The following DLG2 variants were observed in gnomAD, a reference collection of about 807,000 sequenced individuals.
DLG2 encodes discs large MAGUK scaffold protein 2.
In DLG2, 45 loss-of-function variants were observed where a neutral mutation model predicts 132.5. The ratio of observed to expected loss-of-function variants is 0.34; its 90% CI spans 0.27 to 0.44. The LOEUF (loss-of-function observed/expected upper bound fraction) is 0.44, where lower values mean the gene tolerates loss of function less well. Ranked by LOEUF, DLG2 falls within the 20% of genes least tolerant of loss-of-function variation. The pLI, the probability that DLG2 is intolerant of heterozygous loss-of-function variation, is 1.00. For missense variants in DLG2, 1,045 were observed against 1,196.9 expected (o/e 0.87, Z 1.87); for synonymous variants, 424 against 419.6 (o/e 1.01, Z -0.13).
intron 17 of DLG2, among the ~76,000 whole-genome samples, chr11:83,812,910 T>C (rs2047736875): frequency 6.6e-6 from 1 of 152,106 alleles, no homozygotes; most frequent in East Asian, 1.9e-4. Context: ...CCTCTTAGAG[T>C]TGAAGCTCAT....
At chr11:85,252,964 T>G (rs2076473005) in intron 4 of DLG2, among the ~76,000 whole-genome samples, 1 of 152,166 alleles carries the variant, frequency 6.6e-6, no homozygotes, top group Non-Finnish European at 1.5e-5. Context: ...TCTATTAAGT[T>G]CTCAAATTTT....
At chr11:84,803,667 T>C (rs1177332140) in intron 6 of DLG2, among the ~76,000 whole-genome samples, 2 of 152,220 alleles carry the variant, frequency 1.3e-5, no homozygotes, top group African/African-American at 4.8e-5. Flanking sequence ...AATGTGCCTT[T>C]AGGTTTTACA....
At chr11:84,790,903 T>C (rs73514921) in intron 6 of DLG2, among the ~76,000 whole-genome samples, 2,740 of 152,326 alleles carry the variant, frequency 0.018, 92 homozygotes, top group African/African-American at 0.063. Flanking sequence ...TGTAGGTGTA[T>C]GGATTTATTT....
At chr11:85,394,234 T>G (rs757775713) in intron 3 of DLG2, among the ~76,000 whole-genome samples, 4 of 152,226 alleles carry the variant, frequency 2.6e-5, no homozygotes, top group Non-Finnish European at 5.9e-5. Context: ...TTAATTAGAT[T>G]GATTTAGCCA....
chr11:84,648,570 G>C (rs921698802), intron 6 of DLG2, among the ~76,000 whole-genome samples: 8 of 152,094 alleles, frequency 5.3e-5, no homozygotes, highest in Non-Finnish European at 1.0e-4. Context: ...GGTGGGGGCT[G>C]GTGGGAAGTG....
intron 15 of DLG2, among the ~76,000 whole-genome samples, chr11:83,905,897 A>G (rs537319877): frequency 7.9e-4 from 120 of 152,222 alleles, no homozygotes; most frequent in African/African-American, 2.8e-3. Context: ...TCCCCTTTAA[A>G]GAAGCAATTT....
intron 18 of DLG2, among the ~76,000 whole-genome samples, chr11:83,763,898 T>C (rs1376677969): frequency 6.6e-6 from 1 of 152,234 alleles, no homozygotes; most frequent in African/African-American, 2.4e-5. Flanking sequence ...TTTAAAAATA[T>C]TGATTGTCTA....
At chr11:83,861,744 TG>T (rs1262035763) in intron 16 of DLG2, among the ~76,000 whole-genome samples, 1 of 151,586 alleles carries the variant, frequency 6.6e-6, no homozygotes, top group African/African-American at 2.4e-5. Flanking sequence ...GGGAGGTAGG[TG>T]GGGGGAAGGT....
At chr11:84,723,682 T>C (rs2062082604) in intron 6 of DLG2, among the ~76,000 whole-genome samples, 1 of 152,112 alleles carries the variant, frequency 6.6e-6, no homozygotes. Context: ...TTTGAGAGTG[T>C]ACTGCATGGG....
intron 7 of DLG2, among the ~76,000 whole-genome samples, chr11:84,476,280 T>C (rs2099121492): frequency 6.6e-6 from 1 of 152,162 alleles, no homozygotes; most frequent in Non-Finnish European, 1.5e-5. Flanking sequence ...CTGGAAATTA[T>C]TTCTTTAGAG....
intron 6 of DLG2, among the ~76,000 whole-genome samples, chr11:84,910,189 C>A (rs548106027): frequency 9.9e-5 from 15 of 152,188 alleles, no homozygotes; most frequent in East Asian, 1.9e-4. Flanking sequence ...GTCTAACCAA[C>A]CTCTACCCTC....
intron 6 of DLG2, among the ~76,000 whole-genome samples, chr11:84,717,679 A>G (rs2061377340): frequency 6.6e-6 from 1 of 152,102 alleles, no homozygotes; most frequent in Non-Finnish European, 1.5e-5. Flanking sequence ...TTCTTAATAA[A>G]GATGAAGAAT....
At chr11:84,081,371 C>T (rs1017449531) in intron 10 of DLG2, among the ~76,000 whole-genome samples, 2 of 151,198 alleles carry the variant, frequency 1.3e-5, no homozygotes, top group African/African-American at 4.9e-5. Flanking sequence ...AATTAATAAA[C>T]ACTATTATTA....
intron 7 of DLG2, among the ~76,000 whole-genome samples, chr11:84,402,698 C>T (rs2098834005): frequency 6.6e-6 from 1 of 151,790 alleles, no homozygotes; most frequent in African/African-American, 2.4e-5. Context: ...CCGGCTCACA[C>T]GGTGAAACCC....
intron 3 of DLG2, among the ~76,000 whole-genome samples, chr11:85,552,095 GAA>G (rs764172663): frequency 1.1e-4 from 7 of 64,208 alleles, no homozygotes; most frequent in Non-Finnish European, 1.7e-4. Context: ...GGACTTAAAA[GAA>G]AAAAAAAAAA....
chr11:83,575,871 G>C (rs1019623583), intron 19 of DLG2, among the ~76,000 whole-genome samples: 40 of 152,040 alleles, frequency 2.6e-4, no homozygotes, highest in Admixed American at 1.2e-3. Context: ...ACCATGTCTG[G>C]CATTTAGTCA....
At chr11:83,716,579 T>G (rs1322842079) in intron 18 of DLG2, among the ~76,000 whole-genome samples, 1 of 152,214 alleles carries the variant, frequency 6.6e-6, no homozygotes, top group Admixed American at 6.5e-5. Flanking sequence ...CCAAATGCTC[T>G]TCAAAATGGA....
chr11:85,225,153 A>G, intron 4 of DLG2, among the ~76,000 whole-genome samples: 1 of 152,128 alleles, frequency 6.6e-6, no homozygotes, highest in East Asian at 1.9e-4. Context: ...GAGAGGAAAC[A>G]GGGGCTGTCA....
At chr11:84,903,952 T>C (rs1395035981) in intron 6 of DLG2, among the ~76,000 whole-genome samples, 2 of 152,220 alleles carry the variant, frequency 1.3e-5, no homozygotes, top group Non-Finnish European at 1.5e-5. Context: ...AATAACATGA[T>C]GTGAAAGGCA....
Sources: allele counts gnomAD v4.1 joint callset (sites outside exome capture counted in the v4.1 genomes callset), GRCh38; gene constraint gnomAD v4.1.1; transcripts MANE v1.5; gene names NCBI Gene and HGNC (gene_info 2026-07-23, HGNC 2026-07-21).